Variants in ABL2 observed in about 807,000 individuals in gnomAD.
The protein encoded by ABL2 is tyrosine-protein kinase ABL2.
ABL2 carries 49 observed loss-of-function variants against 107.7 expected under a neutral mutation model. That is an observed-to-expected ratio of 0.45 (90% CI 0.36 to 0.58). The LOEUF is 0.58. Among genes scored for constraint, ABL2 ranks in the 20% least tolerant of loss-of-function variants. The probability of loss-of-function intolerance (pLI) is 0.00; values close to 1 mark genes in which losing one functional copy is unlikely to be tolerated. For missense variants in ABL2, 1,245 were observed against 1,457.0 expected, an observed-to-expected ratio of 0.85 and a Z score of 2.37; for synonymous variants, 549 against 548.6, an observed-to-expected ratio of 1.00 and a Z score of -0.01.
At chr1:179,137,108 T>C (rs1315920688) in intron 1 of ABL2, among the ~76,000 whole-genome samples, 5 of 152,172 alleles carry the variant, frequency 3.3e-5, no homozygotes, top group Non-Finnish European at 7.3e-5. Flanking sequence ...TCTGATATCA[T>C]GGAAAGTTAA....
rs537352792 is a variant in ABL2, at chr1:179,132,910, G to A, written c.220+402C>T. Among the ~76,000 whole-genome samples the A allele has an allele frequency of 4.0e-5, 6 of 151,032 alleles. No homozygotes were observed. The South Asian group carries it at 1.0e-3, about 26-fold the overall frequency. On this transcript the variant is annotated intron_variant, in intron 2 of 11. Coordinates refer to ENST00000502732, the MANE Select transcript of ABL2 (RefSeq NM_007314.4). ...GTCTTGTTTTGTTGCCCAGGCTGGA[G>A]TGCAGTGGCACAATCTCTGCTCACT...
In ABL2 at chr1:179,104,234, C is replaced by T. The variant is rs1349636590; in HGVS notation, c.*3484G>A. ...CCCTGAGGTAGTTACTATTATTATC[C>T]CTGTTTTACAGTGAGGAAACTGAGG... is the stretch of plus-strand genomic sequence containing the variant. On this transcript the variant is annotated 3_prime_UTR_variant, in exon 12 of 12. Transcript: ENST00000502732. 1.3e-5 allele frequency: 3 copies of T among 229,612 alleles called. No individual in the cohort carries two copies. The allele number at this position is 229,612 out of a possible 1,614,324, so 14.2% of individuals were successfully genotyped here. A position where few individuals can be genotyped will look rare whatever the true frequency, so the allele number is the denominator to read the frequency against.
chr1:179,223,434 A>C (rs1662997392), intron 1 of ABL2, among the ~76,000 whole-genome samples: 1 of 150,474 alleles, frequency 6.6e-6, no homozygotes, highest in Admixed American at 6.6e-5. Context: ...AAAACCACCT[A>C]AGTAAATAAA....
At chr1:179,210,203 A>G (rs961283550) in intron 1 of ABL2, among the ~76,000 whole-genome samples, 2 of 152,112 alleles carry the variant, frequency 1.3e-5, no homozygotes, top group African/African-American at 4.8e-5. Flanking sequence ...GAGAAAAAAA[A>G]TGATTTTAAA....
At chr1:179,227,697 CTCATATATCACCT>C (rs1663296680) in intron 1 of ABL2, among the ~76,000 whole-genome samples, 1 of 152,168 alleles carries the variant, frequency 6.6e-6, no homozygotes, top group Non-Finnish European at 1.5e-5. Context: ...TAAAGATTAG[CTCATATATCACCT>C]TCATAAAGTG....
At chr1:179,199,657 ATAAT>A (rs1340767705) in intron 1 of ABL2, among the ~76,000 whole-genome samples, 1 of 152,150 alleles carries the variant, frequency 6.6e-6, no homozygotes, top group Non-Finnish European at 1.5e-5. Context: ...AAATGAAGAA[ATAAT>A]TAAACAATCA....
intron 8 of ABL2, 66 bp downstream of exon 8, chr1:179,117,266 A>G (rs1343807086): frequency 1.3e-5 from 19 of 1,481,528 alleles, no homozygotes; most frequent in Middle Eastern, 1.7e-4. Flanking sequence ...GAGAAGCTCT[A>G]AAGAATCAAG....
At chr1:179,134,751 C>T (rs1193821836) in intron 1 of ABL2, among the ~76,000 whole-genome samples, 1 of 152,048 alleles carries the variant, frequency 6.6e-6, no homozygotes, top group Admixed American at 6.5e-5. Flanking sequence ...CGCCCTCTCC[C>T]TCTTTCCACG....
intron 1 of ABL2, among the ~76,000 whole-genome samples, chr1:179,214,772 T>C (rs1174695783): frequency 1.3e-5 from 2 of 152,064 alleles, no homozygotes; most frequent in African/African-American, 4.8e-5. Flanking sequence ...GTTAAATATA[T>C]GGCTAAAGCA....
At chr1:179,195,276 A>C (rs932131612) in intron 1 of ABL2, among the ~76,000 whole-genome samples, 1 of 152,176 alleles carries the variant, frequency 6.6e-6, no homozygotes, top group African/African-American at 2.4e-5. Flanking sequence ...CAACACAGTA[A>C]AACTCTGTCT....
At chr1:179,169,995 C>G (rs1659626420) in intron 1 of ABL2, among the ~76,000 whole-genome samples, 1 of 152,084 alleles carries the variant, frequency 6.6e-6, no homozygotes, top group Non-Finnish European at 1.5e-5. Flanking sequence ...ACACTGCACT[C>G]CAGCCTGGGT....
At chr1:179,198,876 C>A (rs1336276162) in intron 1 of ABL2, among the ~76,000 whole-genome samples, 1 of 140,662 alleles carries the variant, frequency 7.1e-6, no homozygotes, top group Non-Finnish European at 1.5e-5. Context: ...GAGTCTTGCT[C>A]TGTTGCCCAG....
At chr1:179,115,835 T>G (rs1043366131) in intron 8 of ABL2, among the ~76,000 whole-genome samples, 1 of 152,232 alleles carries the variant, frequency 6.6e-6, no homozygotes, top group South Asian at 2.1e-4. Context: ...ATTTGTTTGA[T>G]TTTGTCTCAG....
intron 1 of ABL2, among the ~76,000 whole-genome samples, chr1:179,190,885 G>T (rs1422964167): frequency 1.3e-5 from 2 of 152,108 alleles, no homozygotes; most frequent in Non-Finnish European, 2.9e-5. Flanking sequence ...CACCAAAGTT[G>T]CCATAACAAA....
In ABL2 at chr1:179,104,548, A is replaced by T. The variant is rs1186793398; in HGVS notation, c.*3170T>A. On this transcript the variant is annotated 3_prime_UTR_variant, in exon 12 of 12. Transcript: ENST00000502732. ...CAGAGGTCATCTAGAAAAACACTGA[A>T]TGAATTTCTTAGGGCCAAATTTTTT... is the stretch of plus-strand genomic sequence containing the variant. The T allele has an allele frequency of 4.8e-6, 1 of 208,960 alleles. No homozygotes were observed. The highest frequency in any genetic ancestry group is 2.3e-5 in the African/African-American group (1 of 44,042). 12.9% of individuals were successfully genotyped at this position (208,960 alleles called of 1,614,324 possible). A position where few individuals can be genotyped will look rare whatever the true frequency, so the allele number is the denominator to read the frequency against.
chr1:179,099,886 T>TATAC lies in ABL2; in HGVS notation c.*7828_*7831dup, dbSNP rs1652961485. On this transcript the variant is annotated 3_prime_UTR_variant, in exon 12 of 12. Coordinates refer to ENST00000502732, the MANE Select transcript of ABL2 (RefSeq NM_007314.4). ...TCTGGGAGGAGATGGAGGTTCTGAG[T>TATAC]ATACATCAACAGCTAAGTCAGCCTG... 8.6e-6 allele frequency: 2 copies of TATAC among 232,532 alleles called. No homozygotes were observed. Among genetic ancestry groups the TATAC allele is most frequent in the African/African-American group, 4.4e-5 (2 of 45,286 alleles). 14.4% of individuals were successfully genotyped at this position (232,532 alleles called of 1,614,324 possible).
At chr1:179,198,663 A>C (rs1182200833) in intron 1 of ABL2, among the ~76,000 whole-genome samples, 3 of 121,458 alleles carry the variant, frequency 2.5e-5, no homozygotes, top group African/African-American at 9.5e-5. Flanking sequence ...ACTGCACTCC[A>C]GCCTGGGCAA....
chr1:179,176,371 C>T (rs1183750202), intron 1 of ABL2, among the ~76,000 whole-genome samples: 2 of 152,028 alleles, frequency 1.3e-5, no homozygotes, highest in Non-Finnish European at 2.9e-5. Flanking sequence ...AGAATAAATG[C>T]TTGAGGTGAT....
In ABL2 at chr1:179,109,217, C is replaced by T. The variant is rs2102580399; in HGVS notation, c.2050G>A (p.Glu684Lys). The T allele has an allele frequency of 6.2e-7, 1 of 1,613,998 alleles. No individual in the cohort carries two copies. Among genetic ancestry groups the T allele is most frequent in the Non-Finnish European group, 8.5e-7 (1 of 1,180,004 alleles). Residue 684 changes from glutamate (E) to lysine (K), a missense_variant, in exon 12 of 12, where the codon GAA becomes AAA. Coordinates refer to ENST00000502732, the MANE Select transcript of ABL2 (RefSeq NM_007314.4). ...EMENQPHKKY[E>K]LTGNFSSVAS... is the part of the protein sequence containing the mutation. ...ACAGATGAGAAGTTACCCGTGAGTT[C>T]GTATTTCTTATGGGGCTGATTCTCC...
Sources: gnomAD v4.1 joint callset for allele counts (sites outside exome capture counted in the v4.1 genomes callset) on GRCh38, gnomAD v4.1.1 for gene constraint, MANE v1.5 for transcripts, NCBI Gene and HGNC (gene_info 2026-07-23, HGNC 2026-07-21) for gene names.